PACS1: variants seen among roughly 807,000 people sequenced by gnomAD.
PACS1 encodes PACS-1.
PACS1 carries 24 observed loss-of-function variants against 115.0 expected under a neutral mutation model. The observed-to-expected ratio is 0.21, with a 90% CI of 0.15 to 0.29. PACS1 has a LOEUF of 0.29. Ranked by LOEUF, PACS1 falls within the 10% of genes least tolerant of loss-of-function variation. The pLI, the probability that PACS1 is intolerant of heterozygous loss-of-function variation, is 1.00. For synonymous variants in PACS1, 453 were observed against 504.5 expected, an observed-to-expected ratio of 0.90 and a Z score of 1.37; for missense variants, 838 against 1,251.2, an observed-to-expected ratio of 0.67 and a Z score of 4.98.
At position 66,233,902 on chromosome 11, in the gene PACS1, C is replaced by T. The variant is rs142518873; in HGVS notation, c.1956C>T (p.Asp652=). The T allele has an allele frequency of 1.1e-5, 18 of 1,590,330 alleles. No homozygotes were observed. Among genetic ancestry groups the T allele is most frequent in the Non-Finnish European group, 1.5e-5 (18 of 1,166,788 alleles). ...AGTCCCTGGCCAACAAGACCTCCGA[C>T]TGGCTTGGCTACATGCGCTTCCTCA... The part of the protein sequence containing the change: ...FVKSLANKTS[D]WLGYMRFLII... Residue 652 remains aspartate (D), a synonymous_variant, in exon 16 of 24, where the codon GAC becomes GAT. Coordinates refer to ENST00000320580, the MANE Select transcript of PACS1 (RefSeq NM_018026.4). The surrounding 1 kb of genome is among the most constrained non-coding windows in gnomAD (Gnocchi z 4.5).
At chr11:66,126,005 A>T (rs1466267946) in intron 1 of PACS1, among the ~76,000 whole-genome samples, 2 of 147,646 alleles carry the variant, frequency 1.4e-5, no homozygotes. Context: ...GTACCATTGC[A>T]CTCTAGCCTG....
intron 1 of PACS1, among the ~76,000 whole-genome samples, chr11:66,144,707 CG>C (rs1406728623): frequency 6.6e-6 from 1 of 152,160 alleles, no homozygotes; most frequent in Non-Finnish European, 1.5e-5. Flanking sequence ...AATCTCGGCT[CG>C]CTGCAACCTC....
intron 1 of PACS1, among the ~76,000 whole-genome samples, chr11:66,182,381 C>T (rs966978366): frequency 6.6e-6 from 1 of 152,060 alleles, no homozygotes; most frequent in Non-Finnish European, 1.5e-5. Flanking sequence ...TAAGTTTTTT[C>T]TCATTCGCTG....
intron 1 of PACS1, among the ~76,000 whole-genome samples, chr11:66,179,669 A>G (rs1859955382): frequency 6.6e-6 from 1 of 152,184 alleles, no homozygotes; most frequent in Non-Finnish European, 1.5e-5. Context: ...TGGAAATAGT[A>G]CTTTCAGCTC....
At chr11:66,149,680 G>T (rs1203747) in intron 1 of PACS1, among the ~76,000 whole-genome samples, 17,616 of 109,302 alleles carry the variant, frequency 0.16, 1,469 homozygotes, top group East Asian at 0.47. Flanking sequence ...TCTTGTGTTC[G>T]TGTGTGTGTG....
intron 1 of PACS1, among the ~76,000 whole-genome samples, chr11:66,140,380 A>G (rs1858951027): frequency 6.6e-6 from 1 of 152,196 alleles, no homozygotes; most frequent in South Asian, 2.1e-4. Flanking sequence ...ACTTCAGCAG[A>G]CAGGGAAAGA....
rs1383960856 is a variant in PACS1, at chr11:66,070,363, G to C, written c.-124G>C. 1 of 463,540 alleles carries C rather than the reference G, an allele frequency of 2.2e-6. No individual in the cohort carries two copies. The highest frequency in any genetic ancestry group is 3.2e-6 in the Non-Finnish European group (1 of 313,572). The allele number at this position is 463,540 out of a possible 1,614,324, so 28.7% of individuals were successfully genotyped here. A position where few individuals can be genotyped will look rare whatever the true frequency, so the allele number is the denominator to read the frequency against. On this transcript the variant is annotated 5_prime_UTR_variant, in exon 1 of 24. Coordinates refer to ENST00000320580, the MANE Select transcript of PACS1 (RefSeq NM_018026.4). The surrounding 1 kb of genome is among the most constrained non-coding windows in gnomAD (Gnocchi z 5.9). The stretch of plus-strand genomic sequence containing the variant: ...GCCCCGCGCGTGCGTGCAGCTCGCT[G>C]GCTGCTCGCGCTCGGGCAGGCGGGC...
chr11:66,224,985 G>T (rs7128537), intron 10 of PACS1, among the ~76,000 whole-genome samples: 1 of 152,052 alleles, frequency 6.6e-6, no homozygotes, highest in East Asian at 1.9e-4. Context: ...TCCAGTTGTT[G>T]AATTTTCCCA....
intron 1 of PACS1, among the ~76,000 whole-genome samples, chr11:66,128,950 G>C (rs485903): frequency 6.6e-6 from 1 of 151,988 alleles, no homozygotes; most frequent in Non-Finnish European, 1.5e-5. Flanking sequence ...CTGGAGCCTG[G>C]GTAAAGGGGT....
intron 7 of PACS1, chr11:66,217,048 T>C: frequency 2.2e-6 from 1 of 456,954 alleles, no homozygotes; most frequent in Non-Finnish European, 4.0e-6. Flanking sequence ...GAACAGATAG[T>C]GGTCCATCAG....
At chr11:66,161,882 A>G (rs1337909719) in intron 1 of PACS1, among the ~76,000 whole-genome samples, 1 of 152,172 alleles carries the variant, frequency 6.6e-6, no homozygotes, top group East Asian at 1.9e-4. Context: ...GTCAGGTTGG[A>G]TTCCAGGAGG....
chr11:66,144,823 T>C (rs1439668637), intron 1 of PACS1, among the ~76,000 whole-genome samples: 1 of 152,072 alleles, frequency 6.6e-6, no homozygotes, highest in African/African-American at 2.4e-5. Flanking sequence ...TTAGTAGAGA[T>C]AGGGTTTCAC....
At chr11:66,192,357 C>T (rs544047680) in intron 1 of PACS1, among the ~76,000 whole-genome samples, 1 of 152,268 alleles carries the variant, frequency 6.6e-6, no homozygotes, top group South Asian at 2.1e-4. Context: ...TGCAAGGCAT[C>T]GGGGGAAGTT....
Position 66,235,077 on chromosome 11 carries a change from C to T in PACS1, c.2105-224C>T, listed in dbSNP as rs772001384. ...AAGTGGACATGAGAAGAAGGGTGTG[C>T]GTGGCCCAAGAAAGAGCAGGGCTTT... On this transcript the variant is annotated intron_variant, in intron 17 of 23. Transcript: ENST00000320580. This position sits in a 1 kb window ranked among gnomAD's most constrained non-coding sequence, Gnocchi z 5.6. Among the ~76,000 whole-genome samples the T allele has an allele frequency of 2.6e-5, 4 of 152,064 alleles. No homozygotes were observed. The East Asian group carries it at 5.8e-4, about 22-fold the overall frequency.
intron 14 of PACS1, 127 bp from the exon 15 acceptor site, chr11:66,232,833 A>G (rs1017960500): frequency 3.7e-5 from 26 of 711,606 alleles, no homozygotes; most frequent in Non-Finnish European, 6.0e-5. Context: ...GCCTTTGCCC[A>G]GCTTCGGTCT....
At chr11:66,211,044 T>C in intron 3 of PACS1, 90 bp from the exon 4 acceptor site, 2 of 1,443,740 alleles carry the variant, frequency 1.4e-6, no homozygotes, top group East Asian at 2.3e-5. Flanking sequence ...ACAGGAAGAA[T>C]TGAAGCACAG....
At chr11:66,238,085 CTG>C (rs1436125944) in intron 19 of PACS1, 3 of 985,300 alleles carry the variant, frequency 3.0e-6, no homozygotes, top group Non-Finnish European at 3.6e-6. Flanking sequence ...TAGTCTGTGG[CTG>C]TGTTCTTTTC....
chr11:66,220,046 G>A (rs1227124110), intron 8 of PACS1, among the ~76,000 whole-genome samples: 1 of 152,120 alleles, frequency 6.6e-6, no homozygotes, highest in African/African-American at 2.4e-5. Context: ...GACCCTTGGT[G>A]ATGCGCAAGC....
intron 7 of PACS1, chr11:66,218,186 A>G (rs1855258040): frequency 6.6e-6 from 1 of 151,922 alleles, no homozygotes; most frequent in Non-Finnish European, 1.5e-5. Context: ...TCTGCTGTGA[A>G]TGCCCTTTCT....
Sources: allele counts gnomAD v4.1 joint callset (sites outside exome capture counted in the v4.1 genomes callset), GRCh38; gene constraint gnomAD v4.1.1; non-coding constraint Gnocchi (gnomAD v3.1); transcripts MANE v1.5; gene names NCBI Gene and HGNC (gene_info 2026-07-23, HGNC 2026-07-21).